The following ARSG variants were observed in gnomAD, a reference collection of about 807,000 sequenced individuals.
The protein encoded by ARSG is arylsulfatase G, also known as ASG.
Under a neutral mutation model 50.5 loss-of-function variants are expected in ARSG, and 37 were observed. The observed-to-expected ratio is 0.73, with a 90% CI of 0.56 to 0.96. ARSG has a LOEUF of 0.96. Ranked by LOEUF, ARSG falls within the 50% of genes least tolerant of loss-of-function variation. The pLI is 0.00. For synonymous variants in ARSG, 225 were observed against 254.6 expected (o/e 0.88, Z 1.11); for missense variants, 629 against 675.3 (o/e 0.93, Z 0.76).
At chr17:68,316,275 T>A (rs1259141197) in intron 2 of ARSG, among the ~76,000 whole-genome samples, 1 of 152,162 alleles carries the variant, frequency 6.6e-6, no homozygotes, top group East Asian at 1.9e-4. Flanking sequence ...TCTCCAACAT[T>A]GCCTTCCTAC....
At chr17:68,310,825 T>C (rs1599666002) in intron 2 of ARSG, among the ~76,000 whole-genome samples, 1 of 152,302 alleles carries the variant, frequency 6.6e-6, no homozygotes, top group African/African-American at 2.4e-5. Context: ...GTGAACTTTG[T>C]AGAAACACTC....
At chr17:68,391,967 C>T (rs1222907459) in intron 9 of ARSG, among the ~76,000 whole-genome samples, 2 of 152,204 alleles carry the variant, frequency 1.3e-5, no homozygotes, top group African/African-American at 2.4e-5. Context: ...AGGAGATGGC[C>T]AACAGGAGAC....
chr17:68,366,784 T>G (rs8077798), intron 6 of ARSG, among the ~76,000 whole-genome samples: 10,427 of 152,118 alleles, frequency 0.069, 1,207 homozygotes, highest in African/African-American at 0.24. Flanking sequence ...AAATGTAAAG[T>G]TCTGTCGCAT....
At chr17:68,414,230 T>C (rs2082228581) in intron 11 of ARSG, 1 of 152,276 alleles carries the variant, frequency 6.6e-6, no homozygotes, top group South Asian at 2.1e-4. Context: ...CATAAAGCGA[T>C]GCTGGATTTT....
At chr17:68,379,421 A>ATTTTTTTTT (rs375841879) in intron 8 of ARSG, among the ~76,000 whole-genome samples, 2 of 72,266 alleles carry the variant, frequency 2.8e-5, no homozygotes, top group African/African-American at 1.3e-4. Flanking sequence ...GAACACTACA[A>ATTTTTTTTT]TTTTTTTTTT....
At chr17:68,388,812 CT>C (rs2080850847) in intron 9 of ARSG, among the ~76,000 whole-genome samples, 1 of 151,156 alleles carries the variant, frequency 6.6e-6, no homozygotes. Context: ...GTAATCCCAG[CT>C]ATTCAGGAGC....
intron 2 of ARSG, among the ~76,000 whole-genome samples, chr17:68,331,657 T>A (rs184359814): frequency 7.2e-5 from 11 of 152,320 alleles, no homozygotes; most frequent in Non-Finnish European, 1.6e-4. Context: ...CCACTGTGCC[T>A]GGCCTGACTA....
At chr17:68,364,498 T>C (rs1181985242) in intron 6 of ARSG, among the ~76,000 whole-genome samples, 2 of 152,080 alleles carry the variant, frequency 1.3e-5, no homozygotes, top group Non-Finnish European at 2.9e-5. Flanking sequence ...TGGCTGGGAT[T>C]ACAGGCACGC....
intron 1 of ARSG, among the ~76,000 whole-genome samples, chr17:68,299,204 A>G (rs1385857807): frequency 4.0e-5 from 6 of 149,038 alleles, no homozygotes; most frequent in Non-Finnish European, 8.9e-5. Flanking sequence ...TCCTGGGTTC[A>G]AGCAATTCTC....
intron 2 of ARSG, among the ~76,000 whole-genome samples, chr17:68,322,250 T>G (rs2077313623): frequency 6.6e-6 from 1 of 152,236 alleles, no homozygotes; most frequent in South Asian, 2.1e-4. Context: ...GGTGCTGTGC[T>G]TGGGGCTGGA....
In ARSG at chr17:68,343,346, G is replaced by C. The variant is rs2078358829; in HGVS notation, c.219-258G>C. On this transcript the variant is annotated intron_variant, in intron 2 of 11. Coordinates refer to ENST00000621439, the MANE Select transcript of ARSG (RefSeq NM_001267727.2). Reference sequence around the variant, plus strand: ...TAATTTTTATATTTTTAGTAGAGACGGGGTTTCACCATGTTGGCCAGGCTG... The same window carrying C: ...TAATTTTTATATTTTTAGTAGAGACCGGGTTTCACCATGTTGGCCAGGCTG... Among the ~76,000 whole-genome samples, 3 of 151,976 alleles carry C rather than the reference G, an allele frequency of 2.0e-5. No individual in the cohort carries two copies. The South Asian group carries it at 6.3e-4, about 32-fold the overall frequency.
chr17:68,343,071 G>A (rs1397728698), intron 2 of ARSG, among the ~76,000 whole-genome samples: 4 of 152,214 alleles, frequency 2.6e-5, no homozygotes, highest in African/African-American at 9.6e-5. Flanking sequence ...CCATTTGAAT[G>A]AGTTGTGGAA....
chr17:68,271,718 A>G lies in ARSG; in HGVS notation c.-552+12292A>G. The G allele has an allele frequency of 7.6e-7, 1 of 1,316,366 alleles. No homozygotes were observed. The highest frequency in any genetic ancestry group is 1.0e-6 in the Non-Finnish European group (1 of 954,542). 81.5% of individuals were successfully genotyped at this position (1,316,366 alleles called of 1,614,324 possible). ...CAATAATGGACTCAAGACCCAGGAGAAGCCATCAAGAAGAAATATGGATCC... is the reference window on the plus strand; with the variant it reads ...CAATAATGGACTCAAGACCCAGGAGGAGCCATCAAGAAGAAATATGGATCC... On this transcript the variant is annotated intron_variant, in intron 1 of 11. Transcript: ENST00000448504. This position sits in a 1 kb window ranked among gnomAD's most constrained non-coding sequence, Gnocchi z 5.3.
At chr17:68,306,215 T>A (rs1269055780) in intron 1 of ARSG, among the ~76,000 whole-genome samples, 2 of 152,006 alleles carry the variant, frequency 1.3e-5, no homozygotes, top group African/African-American at 4.8e-5. Flanking sequence ...TTGGTCAGGC[T>A]GGTCTCAAAC....
In ARSG at chr17:68,343,746, T is replaced by C. The variant is rs1275983330; in HGVS notation, c.361T>C (p.Leu121=). The change falls in exon 3 of 12, where the codon TTG becomes CTG. Residue 121 remains leucine (L), a synonymous_variant. Transcript: ENST00000621439. ...AGGCCTTCCGCTCAACGAGACCACC[T>C]TGGCAGAGGTGCTGCAGCAGGCGGG... ...VGGLPLNETT[L]AEVLQQAGYV... 1.9e-6 allele frequency: 3 copies of C among 1,613,990 alleles called. No homozygotes were observed. The highest frequency in any genetic ancestry group is 2.7e-5 in the African/African-American group (2 of 74,940).
chr17:68,430,093 G>C, the ARSG span: 1 of 1,614,166 alleles, frequency 6.2e-7, no homozygotes, highest in Non-Finnish European at 8.5e-7. Context: ...TGGGTAGGGA[G>C]GTAGTTGGTA....
At chr17:68,421,672 C>G (rs186251334), downstream of ARSG, 173 of 1,539,014 alleles carry the variant, frequency 1.1e-4, no homozygotes, top group Admixed American at 3.0e-4. Flanking sequence ...TTCCTGCCCC[C>G]CTTTCTGCTC....
intron 6 of ARSG, among the ~76,000 whole-genome samples, chr17:68,366,907 G>A (rs1187092509): frequency 6.6e-6 from 1 of 151,720 alleles, no homozygotes; most frequent in Non-Finnish European, 1.5e-5. Context: ...TTTCTTCCCC[G>A]CAGTGCCCCG....
intron 9 of ARSG, among the ~76,000 whole-genome samples, chr17:68,386,461 G>C (rs978949711): frequency 2.0e-5 from 3 of 152,176 alleles, no homozygotes; most frequent in African/African-American, 7.2e-5. Flanking sequence ...CAGGGGAAAA[G>C]GGTAAACAGC....
Sources: allele counts gnomAD v4.1 joint callset (sites outside exome capture counted in the v4.1 genomes callset), GRCh38; gene constraint gnomAD v4.1.1; non-coding constraint Gnocchi (gnomAD v3.1); transcripts MANE v1.5; gene names NCBI Gene and HGNC (gene_info 2026-07-23, HGNC 2026-07-21).